MID2: variants seen among roughly 807,000 people sequenced by gnomAD.
The protein encoded by MID2 is probable E3 ubiquitin-protein ligase MID2.
In MID2, 13 loss-of-function variants were observed where a neutral mutation model predicts 46.1. The ratio of observed to expected loss-of-function variants is 0.28; its 90% CI spans 0.18 to 0.45. MID2 has a LOEUF of 0.45. Ranked by LOEUF, MID2 falls within the 20% of genes least tolerant of loss-of-function variation. The pLI, the probability that MID2 is intolerant of heterozygous loss-of-function variation, is 1.00. For missense variants in MID2, 431 were observed against 575.4 expected, an observed-to-expected ratio of 0.75 and a Z score of 2.57; for synonymous variants, 199 against 212.3, an observed-to-expected ratio of 0.94 and a Z score of 0.55.
intron 2 of MID2, among the ~76,000 whole-genome samples, chrX:107,852,387 A>G (rs990173942): frequency 8.9e-6 from 1 of 111,847 alleles, no homozygotes; most frequent in Non-Finnish European, 1.9e-5. Context: ...CTGAACTGCC[A>G]CTTTTTTTAT....
chrX:107,868,892 G>T (rs1602474468), intron 3 of MID2, among the ~76,000 whole-genome samples: 3 of 110,742 alleles, frequency 2.7e-5, no homozygotes, highest in African/African-American at 9.9e-5. Flanking sequence ...AATGAATTTG[G>T]CCAGGAAAAG....
Position 107,926,829 on chromosome X carries a change from G to T in MID2, c.1964G>T (p.Gly655Val). 1 of 1,211,422 alleles carries T rather than the reference G, an allele frequency of 8.3e-7. No homozygotes were observed. Among genetic ancestry groups the T allele is most frequent in the Non-Finnish European group, 1.1e-6 (1 of 895,252 alleles). ...VDVPPHLKRL[G>V]VLLDYDNNML... ...GTGCCCCCACACCTGAAGCGTCTGGGTGTCCTCCTGGATTATGACAACAAT... is the reference window on the plus strand; with the variant it reads ...GTGCCCCCACACCTGAAGCGTCTGGTTGTCCTCCTGGATTATGACAACAAT... The change falls in exon 10 of 10, where the codon GGT (glycine) becomes GTT (valine). Residue 655 changes from glycine (G) to valine (V), a missense_variant. By Grantham distance (109) the Gly-to-Val change is moderately radical (BLOSUM62 -3). Transcript: ENST00000262843.
At chrX:107,909,533 C>T (rs983587676) in intron 5 of MID2, among the ~76,000 whole-genome samples, 2 of 111,963 alleles carry the variant, frequency 1.8e-5, no homozygotes, top group Non-Finnish European at 3.8e-5. Context: ...CAGCCAACTT[C>T]GTCCACTTGG....
intron 3 of MID2, among the ~76,000 whole-genome samples, chrX:107,877,757 A>G (rs1319816860): frequency 8.9e-6 from 1 of 111,797 alleles, no homozygotes; most frequent in Non-Finnish European, 1.9e-5. Flanking sequence ...TGTCCTACCC[A>G]TTTATACTGT....
At chrX:107,855,722 G>T (rs1339176623) in intron 3 of MID2, among the ~76,000 whole-genome samples, 1 of 111,885 alleles carries the variant, frequency 8.9e-6, no homozygotes, top group Non-Finnish European at 1.9e-5. Flanking sequence ...TATTATATGA[G>T]TAACCTTCTG....
chrX:107,904,759 A>C (rs1932822517), intron 4 of MID2, among the ~76,000 whole-genome samples: 1 of 112,028 alleles, frequency 8.9e-6, no homozygotes, highest in Admixed American at 9.5e-5. Flanking sequence ...GAACTGAAGA[A>C]TCATGATCAT....
At chrX:107,869,954 T>C (rs1932033130) in intron 3 of MID2, among the ~76,000 whole-genome samples, 1 of 111,514 alleles carries the variant, frequency 9.0e-6, no homozygotes, top group South Asian at 3.8e-4. Flanking sequence ...TAAAACACTA[T>C]GGTGATATCA....
intron 3 of MID2, among the ~76,000 whole-genome samples, chrX:107,887,335 G>T (rs141483499): frequency 1.8e-5 from 2 of 111,891 alleles, no homozygotes; most frequent in Non-Finnish European, 3.8e-5. Flanking sequence ...TAGCATGAAG[G>T]GTTGTTGAAT....
rs1030757951 is a variant in MID2, at chrX:107,826,033, C to A, written c.-394C>A. ...GGTGTCAGCCCCAGCCCCGTTTGCC[C>A]CCACTCCGCCTCCCTTTTGGAAGGG... On this transcript the variant is annotated 5_prime_UTR_variant, in exon 1 of 10. Transcript: ENST00000262843. The A allele has an allele frequency of 3.4e-6, 1 of 291,369 alleles. No individual in the cohort carries two copies. The highest frequency in any genetic ancestry group is 2.8e-5 in the African/African-American group (1 of 36,186). The allele number at this position is 291,369 out of a possible 1,213,427, so 24.0% of individuals were successfully genotyped here. A position where few individuals can be genotyped will look rare whatever the true frequency, so the allele number is the denominator to read the frequency against.
At chrX:107,918,813 T>C (rs1191444544) in intron 7 of MID2, among the ~76,000 whole-genome samples, 1 of 112,322 alleles carries the variant, frequency 8.9e-6, no homozygotes, top group Non-Finnish European at 1.9e-5. Context: ...TTTCCTGATA[T>C]GGGGAAAGCA....
intron 5 of MID2, 145 bp from the exon 6 acceptor site, chrX:107,915,857 T>C (rs1439798354): frequency 5.7e-6 from 3 of 523,637 alleles, no homozygotes; most frequent in Non-Finnish European, 8.9e-6. Flanking sequence ...ATAGTTTCCA[T>C]TGGAAAGGCA....
At chrX:107,890,530 TG>T (rs1932574546) in intron 3 of MID2, among the ~76,000 whole-genome samples, 1 of 112,049 alleles carries the variant, frequency 8.9e-6, no homozygotes. Flanking sequence ...CTGCCCCTAC[TG>T]GGGGGTGCCT....
chrX:107,843,738 CAGAGAGAAAGTCTGACTTTT>C (rs968541027), intron 2 of MID2, among the ~76,000 whole-genome samples: 5 of 110,694 alleles, frequency 4.5e-5, no homozygotes, highest in African/African-American at 1.3e-4. Context: ...CCATGTTAAG[CAGAGAGAAAGTCTGACTTTT>C]AGTGTCACAT....
intron 3 of MID2, among the ~76,000 whole-genome samples, chrX:107,875,010 A>C (rs1180737241): frequency 1.8e-5 from 2 of 110,877 alleles, no homozygotes; most frequent in Admixed American, 1.9e-4. Flanking sequence ...AATGTCATCT[A>C]TATATTGTAA....
intron 7 of MID2, among the ~76,000 whole-genome samples, chrX:107,918,281 G>A (rs1933006950): frequency 2.7e-5 from 3 of 111,211 alleles, no homozygotes; most frequent in South Asian, 3.9e-4. Context: ...AACAGAGTAG[G>A]AACTTCACTC....
At chrX:107,838,743 A>C (rs1462597154) in intron 1 of MID2, among the ~76,000 whole-genome samples, 2 of 111,915 alleles carry the variant, frequency 1.8e-5, no homozygotes, top group Admixed American at 9.5e-5. Context: ...GGCAGAGCAA[A>C]ATTTTCAAGC....
At chrX:107,866,226 T>C (rs898480258) in intron 3 of MID2, among the ~76,000 whole-genome samples, 2 of 112,099 alleles carry the variant, frequency 1.8e-5, no homozygotes, top group African/African-American at 6.5e-5. Context: ...GAGGATTCCA[T>C]TGGCTTTAGA....
intron 1 of MID2, among the ~76,000 whole-genome samples, chrX:107,832,869 AG>A (rs1415199256): frequency 9.0e-6 from 1 of 111,498 alleles, no homozygotes; most frequent in East Asian, 2.8e-4. Context: ...TTGAGCTTCA[AG>A]GGGTTCTTTT....
intron 1 of MID2, among the ~76,000 whole-genome samples, chrX:107,828,280 C>T (rs1930999631): frequency 9.4e-6 from 1 of 106,088 alleles, no homozygotes; most frequent in Non-Finnish European, 1.9e-5. Flanking sequence ...CCAATTAAAC[C>T]TCTTTTCTTT....
Sources: allele counts gnomAD v4.1 joint callset (sites outside exome capture counted in the v4.1 genomes callset), GRCh38; gene constraint gnomAD v4.1.1; transcripts MANE v1.5; gene names NCBI Gene and HGNC (gene_info 2026-07-23, HGNC 2026-07-21).